The following COL4A2 variants were observed in gnomAD, a reference collection of about 807,000 sequenced individuals.
COL4A2 encodes collagen alpha-2(IV) chain.
Under a neutral mutation model 200.2 loss-of-function variants are expected in COL4A2, and 99 were observed. The observed-to-expected ratio is 0.49, with a 90% CI of 0.42 to 0.58. The LOEUF (loss-of-function observed/expected upper bound fraction) is 0.58, where lower values mean the gene tolerates loss of function less well. Among genes scored for constraint, COL4A2 ranks in the 20% least tolerant of loss-of-function variants. COL4A2 has a pLI of 0.00. For synonymous variants in COL4A2, 897 were observed against 900.6 expected (o/e 1.00, Z 0.07); for missense variants, 1,950 against 2,314.1 (o/e 0.84, Z 3.23).
In COL4A2 at chr13:110,512,037, G is replaced by A. The variant is rs200192119; in HGVS notation, c.4985G>A (p.Arg1662His). 205 of 1,613,458 alleles carry A rather than the reference G, an allele frequency of 1.3e-4. 1 individual carries two copies. In the Middle Eastern group the frequency reaches 1.8e-3, roughly 14 times the overall value. ...CCATTCATCGAATGCAATGGAGGCC[G>A]CGGCACCTGCCACTACTACGCCAAC... Reference protein sequence around the residue: ...ATPFIECNGGRGTCHYYANKY... With the variant: ...ATPFIECNGGHGTCHYYANKY... The change falls in exon 48 of 48, where the codon CGC (arginine) becomes CAC (histidine). Residue 1662 changes from arginine (R) to histidine (H), a missense_variant. Transcript: ENST00000360467.
chr13:110,413,251 C>T (rs985106000), intron 4 of COL4A2, among the ~76,000 whole-genome samples: 9 of 152,170 alleles, frequency 5.9e-5, no homozygotes, highest in South Asian at 2.1e-4. Flanking sequence ...AGTGCCATAA[C>T]GCATGTGTTT....
At chr13:110,484,573 C>CA (rs1485428667) in intron 32 of COL4A2, among the ~76,000 whole-genome samples, 1 of 152,162 alleles carries the variant, frequency 6.6e-6, no homozygotes, top group East Asian at 1.9e-4. Context: ...CTCATCAGAG[C>CA]ACACACAACA....
At chr13:110,408,836 T>TGC (rs1879692645) in intron 4 of COL4A2, among the ~76,000 whole-genome samples, 3 of 70,404 alleles carry the variant, frequency 4.3e-5, no homozygotes, top group Non-Finnish European at 5.8e-5. Flanking sequence ...CACACACACA[T>TGC]ACACGCACAC....
At chr13:110,386,456 A>G (rs9521739) in intron 4 of COL4A2, among the ~76,000 whole-genome samples, 56,975 of 152,008 alleles carry the variant, frequency 0.37, 10,762 homozygotes, top group East Asian at 0.45. Context: ...CTCAGCCATC[A>G]TTTCTAGCCA....
chr13:110,451,852 T>C (rs1881548826), intron 20 of COL4A2, among the ~76,000 whole-genome samples: 1 of 152,254 alleles, frequency 6.6e-6, no homozygotes, highest in Non-Finnish European at 1.5e-5. Flanking sequence ...TGGACACTCC[T>C]GCTTTCGATG....
intron 32 of COL4A2, among the ~76,000 whole-genome samples, chr13:110,483,136 C>T (rs1025993654): frequency 1.3e-5 from 2 of 152,114 alleles, no homozygotes; most frequent in South Asian, 2.1e-4. Context: ...CATCTCAAGA[C>T]CCCCCACGTA....
intron 15 of COL4A2, 142 bp downstream of exon 15, chr13:110,438,810 C>CCCCCCCCCCCA (rs372770020): frequency 1.6e-6 from 1 of 617,356 alleles, no homozygotes; most frequent in Non-Finnish European, 2.8e-6. Flanking sequence ...CCACCCCCCC[C>CCCCCCCCCCCA]CACACACACA....
intron 12 of COL4A2, 190 bp from the exon 13 acceptor site, chr13:110,436,079 G>A: frequency 1.2e-6 from 1 of 824,096 alleles, no homozygotes; most frequent in South Asian, 1.5e-5. Context: ...GATTGCTAAT[G>A]AAAGGAGGAT....
chr13:110,505,374 T>C (rs1052459007), intron 45 of COL4A2, among the ~76,000 whole-genome samples: 7 of 150,588 alleles, frequency 4.6e-5, no homozygotes, highest in African/African-American at 1.7e-4. Context: ...AAATTAAACA[T>C]GGGTAGTACT....
chr13:110,325,167 A>G (rs1445593859), intron 3 of COL4A2, among the ~76,000 whole-genome samples: 1 of 152,248 alleles, frequency 6.6e-6, no homozygotes, highest in Non-Finnish European at 1.5e-5. Flanking sequence ...TTTAAGCCAC[A>G]TGTGTCCATA....
chr13:110,361,936 G>T (rs753926069), intron 4 of COL4A2, among the ~76,000 whole-genome samples: 1 of 152,182 alleles, frequency 6.6e-6, no homozygotes, highest in Non-Finnish European at 1.5e-5. Flanking sequence ...GAGGGAAATG[G>T]CCTCTGCAAA....
At chr13:110,478,229 T>C in intron 30 of COL4A2, 65 bp downstream of exon 30, 1 of 1,407,734 alleles carries the variant, frequency 7.1e-7, no homozygotes, top group Non-Finnish European at 9.4e-7. Context: ...GAATGAGCAC[T>C]GTCTTCTTGT....
chr13:110,374,293 C>T (rs1047182753), intron 4 of COL4A2, among the ~76,000 whole-genome samples: 1 of 152,180 alleles, frequency 6.6e-6, no homozygotes, highest in Non-Finnish European at 1.5e-5. Flanking sequence ...TGCCCAAAAT[C>T]ACATCATTAG....
chr13:110,408,841 GCACACATATA>G (rs956398254), intron 4 of COL4A2, among the ~76,000 whole-genome samples: 4 of 63,544 alleles, frequency 6.3e-5, no homozygotes, highest in African/African-American at 2.1e-4. Context: ...ACACATACAC[GCACACATATA>G]CACACATACA....
chr13:110,461,904 G>A, intron 22 of COL4A2: 1 of 639,986 alleles, frequency 1.6e-6, no homozygotes, highest in Non-Finnish European at 2.7e-6. Context: ...CGCAGTTCCA[G>A]TGCTCCACAG....
At chr13:110,511,877 C>G in intron 47 of COL4A2, 57 bp from the exon 48 acceptor site, 1 of 1,610,868 alleles carries the variant, frequency 6.2e-7, no homozygotes, top group Non-Finnish European at 8.5e-7. Context: ...ATGCCCTGAC[C>G]CCGTGCCACC....
At chr13:110,399,366 G>A (rs1429947416) in intron 4 of COL4A2, among the ~76,000 whole-genome samples, 1 of 152,186 alleles carries the variant, frequency 6.6e-6, no homozygotes. Flanking sequence ...TCATATATTA[G>A]TGACATATTC....
intron 27 of COL4A2, among the ~76,000 whole-genome samples, chr13:110,468,891 CAG>C (rs1882353993): frequency 6.6e-6 from 1 of 152,164 alleles, no homozygotes; most frequent in Non-Finnish European, 1.5e-5. Context: ...AACTGAGGCA[CAG>C]AAAGTTGTCC....
At chr13:110,364,669 C>T (rs1566494772) in intron 4 of COL4A2, among the ~76,000 whole-genome samples, 1 of 152,156 alleles carries the variant, frequency 6.6e-6, no homozygotes, top group South Asian at 2.1e-4. Flanking sequence ...CTTGGTCTTA[C>T]TTTCATGAAA....
Sources: allele counts gnomAD v4.1 joint callset (sites outside exome capture counted in the v4.1 genomes callset), GRCh38; gene constraint gnomAD v4.1.1; transcripts MANE v1.5; gene names NCBI Gene and HGNC (gene_info 2026-07-23, HGNC 2026-07-21).